Variants in ULK4 observed in about 807,000 individuals in gnomAD.
The protein encoded by ULK4 is inactive serine/threonine-protein kinase ULK4.
A neutral mutation model predicts 160.6 loss-of-function variants in ULK4; 133 were observed. The ratio of observed to expected loss-of-function variants is 0.83; its 90% confidence interval spans 0.72 to 0.96. The LOEUF (loss-of-function observed/expected upper bound fraction) is 0.96, where lower values mean the gene tolerates loss of function less well. Ranked by LOEUF, ULK4 falls within the 40% of genes least tolerant of loss-of-function variation. ULK4 has a pLI of 0.00. For missense variants in ULK4, 1,580 were observed against 1,499.5 expected (o/e 1.05, Z -0.89); for synonymous variants, 534 against 539.8 (o/e 0.99, Z 0.15).
intron 17 of ULK4, among the ~76,000 whole-genome samples, chr3:41,874,006 G>T (rs1386511817): frequency 6.6e-6 from 1 of 151,416 alleles, no homozygotes; most frequent in Non-Finnish European, 1.5e-5. Context: ...CATAATAAAT[G>T]CTACATGGAA....
chr3:41,674,343 T>C (rs1203905248), intron 29 of ULK4, among the ~76,000 whole-genome samples: 1 of 152,220 alleles, frequency 6.6e-6, no homozygotes, highest in African/African-American at 2.4e-5. Flanking sequence ...TGAGAGGTGC[T>C]GATTTTAATT....
At chr3:41,718,781 TA>T (rs1408927967) in intron 22 of ULK4, among the ~76,000 whole-genome samples, 1 of 152,226 alleles carries the variant, frequency 6.6e-6, no homozygotes, top group Non-Finnish European at 1.5e-5. Flanking sequence ...ATAATATACA[TA>T]TATACATAAA....
At chr3:41,567,607 C>T (rs1358439686) in intron 31 of ULK4, among the ~76,000 whole-genome samples, 3 of 151,644 alleles carry the variant, frequency 2.0e-5, no homozygotes, top group Non-Finnish European at 4.4e-5. Context: ...CCGTCATACC[C>T]GGCTAATTTT....
At chr3:41,507,855 C>T (rs1359160070) in intron 32 of ULK4, among the ~76,000 whole-genome samples, 1 of 152,180 alleles carries the variant, frequency 6.6e-6, no homozygotes, top group Non-Finnish European at 1.5e-5. Context: ...CTAGAACAGA[C>T]AGAAGAGTGT....
chr3:41,857,695 G>T (rs1165596271), intron 17 of ULK4, among the ~76,000 whole-genome samples: 1 of 152,140 alleles, frequency 6.6e-6, no homozygotes, highest in Non-Finnish European at 1.5e-5. Flanking sequence ...AATCTTGGTA[G>T]ATTTTATGTA....
At chr3:41,884,915 A>C (rs988556172) in intron 16 of ULK4, among the ~76,000 whole-genome samples, 1 of 152,232 alleles carries the variant, frequency 6.6e-6, no homozygotes. Flanking sequence ...TTATACTTTA[A>C]AAGTAGTCAT....
intron 31 of ULK4, among the ~76,000 whole-genome samples, chr3:41,614,679 A>G (rs1326225529): frequency 2.0e-5 from 3 of 152,180 alleles, no homozygotes; most frequent in Non-Finnish European, 4.4e-5. Flanking sequence ...CTCCCCATGC[A>G]ATGCAAATAA....
chr3:41,642,365 G>A (rs1403519106), intron 30 of ULK4, among the ~76,000 whole-genome samples: 2 of 151,860 alleles, frequency 1.3e-5, no homozygotes, highest in Non-Finnish European at 2.9e-5. Flanking sequence ...ACAGTCCCCA[G>A]AGAGTGATGT....
At chr3:41,849,262 G>T (rs530107582) in intron 17 of ULK4, among the ~76,000 whole-genome samples, 57 of 152,192 alleles carry the variant, frequency 3.7e-4, no homozygotes, top group Non-Finnish European at 6.9e-4. Context: ...TACTTTAAAA[G>T]AATTGCTAAT....
chr3:41,630,905 AACTG>A lies in ULK4; in HGVS notation c.3072-15192_3072-15189del, dbSNP rs200718563. Among the ~76,000 whole-genome samples, 1,401 of 152,356 alleles carry A rather than the reference AACTG, an allele frequency of 9.2e-3. 19 individuals carry two copies. The highest frequency in any genetic ancestry group is 0.031 in the African/African-American group (1,291 of 41,580). ...GGTTTAGATTTCATATTTGCTCAGCAACTGACTGAGCACTAGACTACAAGCAAAG... is the reference window on the plus strand; with the variant it reads ...GGTTTAGATTTCATATTTGCTCAGCAACTGAGCACTAGACTACAAGCAAAG... On this transcript the variant is annotated intron_variant, in intron 30 of 36. Coordinates refer to ENST00000301831, the MANE Select transcript of ULK4 (RefSeq NM_017886.4).
rs773719911 is a variant in ULK4 at position 41,916,043 on chromosome 3, C to A, written c.737G>T (p.Arg246Leu). 7 of 1,576,380 alleles carry A rather than the reference C, an allele frequency of 4.4e-6. No individual in the cohort carries two copies. The highest frequency in any genetic ancestry group is 6.0e-6 in the Non-Finnish European group (7 of 1,166,984). ...PLPPIPKDSS[R>L]PKASSDFINL... ...AATAAAATCTGAAGAAGCTTTAGGACGAGAAGAATCTATAAATGAATTAAT... is the reference window on the plus strand; with the variant it reads ...AATAAAATCTGAAGAAGCTTTAGGAAGAGAAGAATCTATAAATGAATTAAT... The change falls in exon 8 of 37, where the codon CGT (arginine) becomes CTT (leucine). Residue 246 changes from arginine to leucine, a missense_variant. Transcript: ENST00000301831.
intron 17 of ULK4, chr3:41,882,413 A>C (rs1697556604): frequency 1.6e-6 from 1 of 634,966 alleles, no homozygotes; most frequent in African/African-American, 1.8e-5. Flanking sequence ...TGATCATCTC[A>C]ATTCAGACTA....
chr3:41,536,269 T>C (rs1476963038), intron 32 of ULK4, among the ~76,000 whole-genome samples: 2 of 152,222 alleles, frequency 1.3e-5, no homozygotes, highest in Non-Finnish European at 2.9e-5. Context: ...TATTTCTCAA[T>C]GAGATATGAT....
At chr3:41,603,010 T>A (rs1414834580) in intron 31 of ULK4, among the ~76,000 whole-genome samples, 1 of 151,738 alleles carries the variant, frequency 6.6e-6, no homozygotes, top group East Asian at 1.9e-4. Context: ...ATATAAAAGG[T>A]CTAAATATAC....
At chr3:41,363,933 T>TC (rs1232952500) in intron 35 of ULK4, among the ~76,000 whole-genome samples, 21 of 69,050 alleles carry the variant, frequency 3.0e-4, no homozygotes, top group African/African-American at 6.7e-4. Flanking sequence ...ATTCTCTCTC[T>TC]TTTTTTTTTT....
At chr3:41,748,637 T>A (rs1320149951) in intron 22 of ULK4, among the ~76,000 whole-genome samples, 1 of 152,210 alleles carries the variant, frequency 6.6e-6, no homozygotes, top group East Asian at 1.9e-4. Context: ...CAGACAAGCA[T>A]AGCTCACTCC....
chr3:41,605,257 T>G (rs1214969651), intron 31 of ULK4, among the ~76,000 whole-genome samples: 2 of 151,896 alleles, frequency 1.3e-5, no homozygotes, highest in African/African-American at 4.8e-5. Context: ...TTAAATATAA[T>G]AATATCAAAA....
intron 30 of ULK4, among the ~76,000 whole-genome samples, chr3:41,623,210 G>A (rs562687135): frequency 3.3e-5 from 5 of 152,206 alleles, no homozygotes; most frequent in East Asian, 3.9e-4. Flanking sequence ...AAATGCTCAC[G>A]GATAGAAAGG....
intron 30 of ULK4, among the ~76,000 whole-genome samples, chr3:41,636,611 T>A (rs191964216): frequency 3.1e-4 from 47 of 151,740 alleles, no homozygotes; most frequent in East Asian, 5.8e-4. Flanking sequence ...TGTTTTTTTT[T>A]AATTATTATT....
Sources: gnomAD v4.1 joint callset for allele counts (sites outside exome capture counted in the v4.1 genomes callset) on GRCh38, gnomAD v4.1.1 for gene constraint, MANE v1.5 for transcripts, NCBI Gene and HGNC (gene_info 2026-07-23, HGNC 2026-07-21) for gene names.